CAPRIN1: variants seen among roughly 807,000 people sequenced by gnomAD.
CAPRIN1 encodes caprin-1.
CAPRIN1 carries 29 observed loss-of-function variants against 100.9 expected under a neutral mutation model. The observed-to-expected ratio is 0.29, with a 90% CI of 0.21 to 0.39. The LOEUF (loss-of-function observed/expected upper bound fraction) is 0.39. Ranked by LOEUF, CAPRIN1 falls within the 10% of genes least tolerant of loss-of-function variation. The pLI, the probability that CAPRIN1 is intolerant of heterozygous loss-of-function variation, is 1.00. For synonymous variants in CAPRIN1, 338 were observed against 307.5 expected, an observed-to-expected ratio of 1.10 and a Z score of -1.04; for missense variants, 795 against 876.7, an observed-to-expected ratio of 0.91 and a Z score of 1.18.
intron 2 of CAPRIN1, among the ~76,000 whole-genome samples, chr11:34,060,041 G>A (rs1850542365): frequency 6.6e-6 from 1 of 151,254 alleles, no homozygotes. Flanking sequence ...TTAAAAATAT[G>A]AAAAATTAGC....
intron 2 of CAPRIN1, among the ~76,000 whole-genome samples, chr11:34,068,826 CAA>C (rs1565086726): frequency 6.6e-6 from 1 of 152,126 alleles, no homozygotes; most frequent in Non-Finnish European, 1.5e-5. Flanking sequence ...CATCGCTACA[CAA>C]ACATTTTTTA....
chr11:34,077,058 TTAA>T (rs1487990812), intron 6 of CAPRIN1, among the ~76,000 whole-genome samples: 1 of 152,220 alleles, frequency 6.6e-6, no homozygotes, highest in Non-Finnish European at 1.5e-5. Context: ...AAAATTAATA[TTAA>T]TTGAATAAAA....
In CAPRIN1 at chr11:34,067,463, G is replaced by A. The variant is rs7122569; in HGVS notation, c.217-4263G>A. Among the ~76,000 whole-genome samples the A allele has an allele frequency of 6.8e-3, 1,036 of 151,796 alleles. 14 individuals are homozygous for A. The highest frequency in any genetic ancestry group is 0.024 in the African/African-American group (987 of 41,414). On this transcript the variant is annotated intron_variant, in intron 2 of 18. Transcript: ENST00000341394. Reference sequence around the variant, plus strand: ...AGTAATACTAAATCAGAATAAATAGGCATGTGAGCTTTAATAAAATGCACA... The same window carrying A: ...AGTAATACTAAATCAGAATAAATAGACATGTGAGCTTTAATAAAATGCACA...
At chr11:34,052,332 T>G in intron 1 of CAPRIN1, 89 bp from the exon 2 acceptor site, 10 of 1,071,574 alleles carry the variant, frequency 9.3e-6, no homozygotes, top group South Asian at 1.4e-5. Flanking sequence ...TCGCTGCGCG[T>G]TTTGTCCCGC....
At chr11:34,060,179 G>T (rs2134087326) in intron 2 of CAPRIN1, among the ~76,000 whole-genome samples, 1 of 124,382 alleles carries the variant, frequency 8.0e-6, no homozygotes, top group African/African-American at 3.1e-5. Context: ...CTGGGCAACA[G>T]AGTGATACTC....
At chr11:34,093,870 G>A (rs1450975641) in intron 15 of CAPRIN1, among the ~76,000 whole-genome samples, 3 of 125,862 alleles carry the variant, frequency 2.4e-5, no homozygotes, top group South Asian at 4.7e-4. Context: ...AGTCACATAC[G>A]CAGCAAGTTC....
intron 2 of CAPRIN1, among the ~76,000 whole-genome samples, chr11:34,066,870 G>T (rs138967713): frequency 0.017 from 2,507 of 149,346 alleles, 54 homozygotes; most frequent in African/African-American, 0.059. Context: ...TTGACCTTGT[G>T]ATCCACCCGC....
intron 2 of CAPRIN1, among the ~76,000 whole-genome samples, chr11:34,062,846 T>TA (rs1181465377): frequency 6.6e-6 from 1 of 152,170 alleles, no homozygotes; most frequent in African/African-American, 2.4e-5. Context: ...GAATAGGAGT[T>TA]ACGAAGTTTT....
At chr11:34,098,197 G>A (rs1188562498) in intron 18 of CAPRIN1, 7 of 993,680 alleles carry the variant, frequency 7.0e-6, no homozygotes, top group South Asian at 4.4e-5. Flanking sequence ...TTTAATGGCC[G>A]GATAAGCCAT....
intron 2 of CAPRIN1, among the ~76,000 whole-genome samples, chr11:34,064,191 A>G (rs1167370157): frequency 3.9e-5 from 6 of 152,196 alleles, no homozygotes; most frequent in African/African-American, 1.4e-4. Flanking sequence ...GCTGTTAGCC[A>G]TGTTCCAGCC....
intron 2 of CAPRIN1, among the ~76,000 whole-genome samples, chr11:34,068,461 A>G (rs919172064): frequency 4.6e-5 from 7 of 152,214 alleles, no homozygotes; most frequent in African/African-American, 7.2e-5. Flanking sequence ...TTTTGTAGCT[A>G]TCTTTGGAAA....
intron 6 of CAPRIN1, among the ~76,000 whole-genome samples, chr11:34,078,488 T>C (rs1850948083): frequency 6.6e-6 from 1 of 152,224 alleles, no homozygotes; most frequent in Non-Finnish European, 1.5e-5. Context: ...TGAATATCTT[T>C]CGATTGTCTA....
intron 7 of CAPRIN1, among the ~76,000 whole-genome samples, chr11:34,082,024 C>T (rs1467832975): frequency 6.6e-6 from 1 of 151,996 alleles, no homozygotes; most frequent in Admixed American, 6.6e-5. Context: ...GTTGGCCAGG[C>T]TGGTCTCAAG....
intron 18 of CAPRIN1, chr11:34,098,327 A>G (rs1851401469): frequency 1.0e-6 from 1 of 984,658 alleles, no homozygotes; most frequent in Non-Finnish European, 1.2e-6. Context: ...AAACTCCCAA[A>G]TTCCTAACTT....
At chr11:34,087,218 G>T (rs1162298822) in intron 11 of CAPRIN1, among the ~76,000 whole-genome samples, 1 of 151,864 alleles carries the variant, frequency 6.6e-6, no homozygotes, top group Non-Finnish European at 1.5e-5. Flanking sequence ...AATGTTGCAT[G>T]ATGTTAAATA....
At chr11:34,064,962 T>G (rs1299532403) in intron 2 of CAPRIN1, among the ~76,000 whole-genome samples, 5 of 140,626 alleles carry the variant, frequency 3.6e-5, no homozygotes, top group East Asian at 2.1e-4. Context: ...TGGTTTTTTT[T>G]TTTTTTTTTT....
At chr11:34,093,905 T>A (rs1198634055) in intron 15 of CAPRIN1, among the ~76,000 whole-genome samples, 1 of 152,168 alleles carries the variant, frequency 6.6e-6, no homozygotes. Context: ...GCCTTCATAC[T>A]TACTTTCCTT....
chr11:34,085,417 A>T (rs1250676114), intron 9 of CAPRIN1, among the ~76,000 whole-genome samples: 1 of 152,204 alleles, frequency 6.6e-6, no homozygotes, highest in Non-Finnish European at 1.5e-5. Flanking sequence ...ATAGATATAT[A>T]AATCCAGTTA....
chr11:34,084,057 T>G (rs1354318440), intron 9 of CAPRIN1, among the ~76,000 whole-genome samples: 1 of 151,942 alleles, frequency 6.6e-6, no homozygotes, highest in South Asian at 2.1e-4. Flanking sequence ...TGACAGAGAC[T>G]CTGTCTCAAG....
Sources: gnomAD v4.1 joint callset for allele counts (sites outside exome capture counted in the v4.1 genomes callset) on GRCh38, gnomAD v4.1.1 for gene constraint, MANE v1.5 for transcripts, NCBI Gene and HGNC (gene_info 2026-07-23, HGNC 2026-07-21) for gene names.